Variants in PALLD observed in about 807,000 individuals in gnomAD.
The protein encoded by PALLD is palladin.
PALLD carries 61 observed loss-of-function variants against 123.5 expected under a neutral mutation model. That is an observed-to-expected ratio of 0.49 (90% confidence interval 0.40 to 0.61). The LOEUF (loss-of-function observed/expected upper bound fraction) is 0.61, where lower values mean the gene tolerates loss of function less well. Among genes scored for constraint, PALLD ranks in the 20% least tolerant of loss-of-function variants. The probability of loss-of-function intolerance (pLI) is 0.00; values close to 1 mark genes in which losing one functional copy is unlikely to be tolerated. For synonymous variants in PALLD, 465 were observed against 496.4 expected, an observed-to-expected ratio of 0.94 and a Z score of 0.84; for missense variants, 1,273 against 1,377.0, an observed-to-expected ratio of 0.92 and a Z score of 1.20.
intron 10 of PALLD, among the ~76,000 whole-genome samples, chr4:168,755,341 G>A (rs1196280387): frequency 6.6e-6 from 1 of 152,020 alleles, no homozygotes; most frequent in Non-Finnish European, 1.5e-5. Flanking sequence ...GCAGGGACTT[G>A]AATTATATAG....
At chr4:168,804,267 C>T (rs1237271751) in intron 10 of PALLD, among the ~76,000 whole-genome samples, 2 of 152,198 alleles carry the variant, frequency 1.3e-5, no homozygotes, top group Admixed American at 6.5e-5. Flanking sequence ...ATTAGTGAGG[C>T]CCCTGGGATA....
chr4:168,680,728 T>G (rs978834514), intron 3 of PALLD, among the ~76,000 whole-genome samples: 3 of 152,194 alleles, frequency 2.0e-5, no homozygotes, highest in African/African-American at 7.2e-5. Context: ...ATTTTTTAAG[T>G]CTGTCACCTA....
At chr4:168,847,531 T>C (rs1003496065) in intron 10 of PALLD, among the ~76,000 whole-genome samples, 4 of 152,238 alleles carry the variant, frequency 2.6e-5, no homozygotes, top group African/African-American at 9.6e-5. Flanking sequence ...TATATTTGTA[T>C]AGTAAAGGTT....
At chr4:168,590,864 GTTTTTTTTTTTTTTT>G (rs371992201) in intron 2 of PALLD, among the ~76,000 whole-genome samples, 8 of 70,196 alleles carry the variant, frequency 1.1e-4, no homozygotes, top group African/African-American at 3.2e-4. Flanking sequence ...GACCTAGAAA[GTTTTTTTTTTTTTTT>G]TTTTTTTTTT....
At chr4:168,841,369 T>C (rs981753181) in intron 10 of PALLD, among the ~76,000 whole-genome samples, 11 of 152,190 alleles carry the variant, frequency 7.2e-5, no homozygotes, top group African/African-American at 2.7e-4. Context: ...CAAAGTCAAA[T>C]TGAGAACACT....
chr4:168,857,084 G>A (rs939853090), intron 10 of PALLD, among the ~76,000 whole-genome samples: 1 of 152,222 alleles, frequency 6.6e-6, no homozygotes, highest in Non-Finnish European at 1.5e-5. Flanking sequence ...AACCATCCTC[G>A]TATTTTCTAG....
chr4:168,660,177 G>A lies in PALLD; in HGVS notation c.909-8013G>A, dbSNP rs116157918. On this transcript the variant is annotated intron_variant, in intron 2 of 21. Coordinates refer to ENST00000505667, the MANE Select transcript of PALLD (RefSeq NM_001166108.2). ...CAAGAGAAAGATATTAGTAGACCAC[G>A]TCAGGGAGGTGAATTTTTAAATGTT... Among the ~76,000 whole-genome samples the A allele has an allele frequency of 5.8e-4, 88 of 152,286 alleles. 1 individual carries two copies. The highest frequency in any genetic ancestry group is 1.0e-3 in the Non-Finnish European group (71 of 68,026).
chr4:168,622,118 T>G (rs1188384548), intron 2 of PALLD, among the ~76,000 whole-genome samples: 1 of 152,048 alleles, frequency 6.6e-6, no homozygotes, highest in East Asian at 1.9e-4. Context: ...TATCAAATAC[T>G]CCCTCTCCCC....
Position 168,711,832 on chromosome 4 carries a change from G to C in PALLD, c.1873G>C (p.Gly625Arg). 1 of 1,614,086 alleles carries C rather than the reference G, an allele frequency of 6.2e-7. No individual in the cohort carries two copies. The change falls in exon 10 of 22, where the codon GGC becomes CGC. Residue 625 changes from glycine (G) to arginine (R), a missense_variant. Transcript: ENST00000505667. ...CCGTGGAGTAAATGGACTGATTAAC[G>C]GCAAAGCTAACAGTAATAAATCTCT... is the stretch of plus-strand genomic sequence containing the variant. ...PSRGVNGLIN[G>R]KANSNKSLPT...
In PALLD at chr4:168,822,928, A is replaced by G. The variant is rs147254227; in HGVS notation, c.1965-67994A>G. On this transcript the variant is annotated intron_variant, in intron 10 of 21. Coordinates refer to ENST00000505667, the MANE Select transcript of PALLD (RefSeq NM_001166108.2). ...GTGGTAGAGCTTGTCTTTATATCTA[A>G]TGAAAGAAAAGTGTCAAAGTTTCAG... 1.2e-3 allele frequency among the ~76,000 whole-genome samples: 184 copies of G among 152,278 alleles called. 1 individual carries two copies. Among genetic ancestry groups the G allele is most frequent in the African/African-American group, 4.2e-3 (175 of 41,560 alleles).
At chr4:168,625,500 G>GATATATATATAT (rs1554052783) in intron 2 of PALLD, among the ~76,000 whole-genome samples, 1 of 35,220 alleles carries the variant, frequency 2.8e-5, no homozygotes, top group African/African-American at 8.6e-5. Flanking sequence ...TAATATCCAG[G>GATATATATATAT]AGATATATAT....
intron 6 of PALLD, among the ~76,000 whole-genome samples, chr4:168,688,636 C>G (rs538758566): frequency 1.3e-5 from 2 of 152,208 alleles, no homozygotes; most frequent in Non-Finnish European, 2.9e-5. Context: ...TAATGGCTTA[C>G]TATGTTTAGC....
At chr4:168,556,886 C>A (rs1412010611) in intron 2 of PALLD, among the ~76,000 whole-genome samples, 2 of 152,184 alleles carry the variant, frequency 1.3e-5, no homozygotes, top group Admixed American at 6.5e-5. Flanking sequence ...GAAGTGGCTA[C>A]TTCTGCCTGT....
At chr4:168,591,577 G>A (rs1488517738) in intron 2 of PALLD, among the ~76,000 whole-genome samples, 1 of 152,136 alleles carries the variant, frequency 6.6e-6, no homozygotes, top group African/African-American at 2.4e-5. Context: ...GACCTTTCAT[G>A]AAAGTCTCAC....
intron 10 of PALLD, among the ~76,000 whole-genome samples, chr4:168,815,469 T>C (rs564792220): frequency 6.6e-6 from 1 of 152,342 alleles, no homozygotes; most frequent in Non-Finnish European, 1.5e-5. Context: ...CCAACAAGAA[T>C]GCATCCAAGC....
At chr4:168,638,180 T>A (rs1776538631) in intron 2 of PALLD, among the ~76,000 whole-genome samples, 1 of 152,066 alleles carries the variant, frequency 6.6e-6, no homozygotes, top group Non-Finnish European at 1.5e-5. Flanking sequence ...CCTTTAATCC[T>A]CACAAAAATA....
intron 1 of PALLD, among the ~76,000 whole-genome samples, chr4:168,500,547 T>C (rs2710829): frequency 0.71 from 108,657 of 151,974 alleles, 39,131 homozygotes; most frequent in African/African-American, 0.79. Flanking sequence ...GGGTTTTTTT[T>C]TGTATTTTTG....
At chr4:168,528,146 A>C (rs1764253362) in intron 2 of PALLD, among the ~76,000 whole-genome samples, 1 of 152,164 alleles carries the variant, frequency 6.6e-6, no homozygotes, top group South Asian at 2.1e-4. Flanking sequence ...CAACTGCTAC[A>C]TCCTCCTCCT....
chr4:168,845,932 G>A (rs1746778141), intron 10 of PALLD, among the ~76,000 whole-genome samples: 1 of 152,168 alleles, frequency 6.6e-6, no homozygotes, highest in African/African-American at 2.4e-5. Context: ...TTAGTTGTTA[G>A]TGAAAATCTC....
Sources: allele counts gnomAD v4.1 joint callset (sites outside exome capture counted in the v4.1 genomes callset), GRCh38; gene constraint gnomAD v4.1.1; transcripts MANE v1.5; gene names NCBI Gene and HGNC (gene_info 2026-07-23, HGNC 2026-07-21).